The following NDUFA6 variants were observed in gnomAD, a reference collection of about 807,000 sequenced individuals.
NDUFA6 encodes NADH:ubiquinone oxidoreductase subunit A6.
NDUFA6 carries 10 observed loss-of-function variants against 12.5 expected under a neutral mutation model. That is an observed-to-expected ratio of 0.80 (90% CI 0.49 to 1.35). The LOEUF (loss-of-function observed/expected upper bound fraction) is 1.35. Among genes scored for constraint, NDUFA6 ranks in the 40% most tolerant of loss-of-function variants. NDUFA6 has a pLI of 0.00. For missense variants in NDUFA6, 177 were observed against 173.5 expected (o/e 1.02, Z -0.11); for synonymous variants, 66 against 63.0 (o/e 1.05, Z -0.23).
intron 1 of NDUFA6, among the ~76,000 whole-genome samples, chr22:42,088,721 CAAAAAAAAAAAAAA>C (rs59094967): frequency 1.4e-5 from 1 of 71,932 alleles, no homozygotes; most frequent in Non-Finnish European, 3.0e-5. Context: ...GACTCTGTCT[CAAAAAAAAAAAAAA>C]AAAAAAAAGT....
At chr22:42,087,691 A>G (rs936666018) in intron 1 of NDUFA6, among the ~76,000 whole-genome samples, 2 of 151,726 alleles carry the variant, frequency 1.3e-5, no homozygotes, top group East Asian at 3.9e-4. Context: ...AATTCCAGCT[A>G]CTCGGGAGGC....
rs771575339 is a variant in NDUFA6 at position 42,090,701 on chromosome 22, G to C, written c.44C>G (p.Thr15Ser). 1.2e-6 allele frequency: 2 copies of C among 1,614,174 alleles called. No individual in the cohort carries two copies. Among genetic ancestry groups the C allele is most frequent in the Non-Finnish European group, 1.7e-6 (2 of 1,180,044 alleles). The change falls in exon 1 of 3, where the codon ACC (threonine) becomes AGC (serine). Residue 15 changes from threonine to serine, a missense_variant. Physicochemically the swap from Thr to Ser is moderately conservative, Grantham distance 58. Around this residue, in one of 3 missense-constraint regions of NDUFA6, gnomAD observed 111 missense variants for 87.2 expected, o/e 1.27. Coordinates refer to ENST00000498737, the MANE Select transcript of NDUFA6 (RefSeq NM_002490.6). ...CCGACTGAAAATGGGCTTCACGAAG[G>C]TGCTGGCGGTAGAAGTAGCTTGGCG... ...GVRQATSTAS[T>S]FVKPIFSRDM...
chr22:42,087,266 C>A, intron 1 of NDUFA6, 91 bp from the exon 2 acceptor site: 1 of 1,003,066 alleles, frequency 1.0e-6, no homozygotes, highest in Admixed American at 1.7e-5. Flanking sequence ...ACAGGTCGCC[C>A]ATTCATTTCT....
At chr22:42,087,241 A>G in intron 1 of NDUFA6, 66 bp from the exon 2 acceptor site, 1 of 1,176,220 alleles carries the variant, frequency 8.5e-7, no homozygotes. Flanking sequence ...GTCAAATGAT[A>G]CTCATTGAAC....
rs1423705537 is a variant in NDUFA6 at position 42,090,772 on chromosome 22, C to T, written c.-28G>A. ...TGCCAAAGCATCCACTCCACAACCC[C>T]ACCCCTTTGCAAGCAGCGCGTGCGG... On this transcript the variant is annotated 5_prime_UTR_variant, in exon 1 of 3. Coordinates refer to ENST00000498737, the MANE Select transcript of NDUFA6 (RefSeq NM_002490.6). 5.6e-6 allele frequency: 9 copies of T among 1,614,118 alleles called. No homozygotes were observed. The highest frequency in any genetic ancestry group is 2.2e-5 in the South Asian group (2 of 91,092).
chr22:42,090,556 C>T (rs1381298193), intron 1 of NDUFA6, 50 bp downstream of exon 1: 7 of 1,604,966 alleles, frequency 4.4e-6, no homozygotes, highest in Non-Finnish European at 6.0e-6. Context: ...GGGCCGGCTA[C>T]GACCTTGAGC....
intron 1 of NDUFA6, 37 bp from the exon 2 acceptor site, chr22:42,087,212 T>C (rs770206952): frequency 2.8e-6 from 4 of 1,439,574 alleles, no homozygotes; most frequent in Non-Finnish European, 2.0e-6. Context: ...AGAAATTGTA[T>C]GGTTAAATAA....
intron 1 of NDUFA6, chr22:42,089,544 C>T (rs1928494061): frequency 6.6e-6 from 1 of 152,036 alleles, no homozygotes; most frequent in South Asian, 2.1e-4. Flanking sequence ...AGACACAGTT[C>T]TCATATGTCA....
In NDUFA6 at chr22:42,086,292, G is replaced by T; in HGVS notation, c.278C>A (p.Thr93Lys). The change falls in exon 3 of 3, where the codon ACA (threonine) becomes AAA (lysine). Residue 93 changes from threonine (T) to lysine (K), a missense_variant. By Grantham distance (78) the Thr-to-Lys change is moderately conservative. This residue lies in a region of NDUFA6 where 62 missense variants were observed against 69.4 expected (regional missense o/e 0.89). Transcript: ENST00000498737. Reference protein sequence around the residue: ...VIKGKIELEETIKVWKQRTHV... With the variant: ...VIKGKIELEEKIKVWKQRTHV... ...TGTCCGCTGCTTCCATACTTTAATT[G>T]TTTCTTCCAGTTCGATCTTTCCCTG... is the stretch of plus-strand genomic sequence containing the variant. The T allele has an allele frequency of 6.2e-7, 1 of 1,614,174 alleles. No individual in the cohort carries two copies. Among genetic ancestry groups the T allele is most frequent in the Non-Finnish European group, 8.5e-7 (1 of 1,180,026 alleles).
intron 1 of NDUFA6, among the ~76,000 whole-genome samples, chr22:42,087,807 AAAT>A (rs898553187): frequency 7.2e-6 from 1 of 138,160 alleles, no homozygotes; most frequent in African/African-American, 2.7e-5. Flanking sequence ...GTCTCAAAAA[AAAT>A]AATAATTATT....
intron 1 of NDUFA6, among the ~76,000 whole-genome samples, chr22:42,089,360 A>G (rs1182474890): frequency 6.6e-6 from 1 of 150,534 alleles, no homozygotes; most frequent in East Asian, 1.9e-4. Context: ...ACACACTGCT[A>G]CAGTCACTCC....
At chr22:42,088,799 T>G (rs1164719823) in intron 1 of NDUFA6, among the ~76,000 whole-genome samples, 2 of 152,168 alleles carry the variant, frequency 1.3e-5, no homozygotes, top group Non-Finnish European at 2.9e-5. Flanking sequence ...CTTTTGTTTT[T>G]TATTAATGCT....
At position 42,086,204 on chromosome 22, in the gene NDUFA6, G is replaced by C; in HGVS notation, c.366C>G (p.Phe122Leu). Residue 122 changes from phenylalanine (F) to leucine (L), a missense_variant, in exon 3 of 3, where the codon TTC becomes TTG. Transcript: ENST00000498737. ...GACTTCATGGATCGTGGCCAACATA[G>C]AACTTGGATAGGAAATCCTTTGGCC... ...APRPKDFLSK[F>L]YVGHDP The C allele has an allele frequency of 6.2e-7, 1 of 1,614,210 alleles. No homozygotes were observed. Among genetic ancestry groups the C allele is most frequent in the Non-Finnish European group, 8.5e-7 (1 of 1,180,046 alleles).
chr22:42,090,676 C>G lies in NDUFA6; in HGVS notation c.69G>C (p.Arg23=), dbSNP rs761251475. ...ASTFVKPIFS[R]DMNEAKRRVR... is the part of the protein sequence containing the mutation. ...CCCTCCGCTTGGCCTCGTTCATGTC[C>G]CGACTGAAAATGGGCTTCACGAAGG... is the stretch of plus-strand genomic sequence containing the variant. Residue 23 remains arginine (R), a synonymous_variant, in exon 1 of 3, where the codon CGG becomes CGC. Coordinates refer to ENST00000498737, the MANE Select transcript of NDUFA6 (RefSeq NM_002490.6). The G allele has an allele frequency of 6.2e-6, 10 of 1,614,068 alleles. No individual in the cohort carries two copies. Among genetic ancestry groups the G allele is most frequent in the Non-Finnish European group, 8.5e-6 (10 of 1,180,038 alleles).
At chr22:42,088,675 C>A (rs61479306) in intron 1 of NDUFA6, among the ~76,000 whole-genome samples, 3,276 of 145,878 alleles carry the variant, frequency 0.022, 136 homozygotes, top group African/African-American at 0.08. Flanking sequence ...GAGCCAAGAT[C>A]GCGCCATTGC....
In NDUFA6 at chr22:42,086,185, A is replaced by G. The variant is rs980031648; in HGVS notation, c.385T>C (p.Ter129ArgextTer13). The G allele has an allele frequency of 1.9e-6, 3 of 1,614,232 alleles. No individual in the cohort carries two copies. The highest frequency in any genetic ancestry group is 2.2e-5 in the South Asian group (2 of 91,090). ...GTGCATCTTTCCACTGAATGACTTC[A>G]TGGATCGTGGCCAACATAGAACTTG... ...LSKFYVGHDP[*>R] Residue 129 changes from the stop codon to arginine (R), a stop_lost, in exon 3 of 3, where the codon TGA becomes CGA. Transcript: ENST00000498737.
At chr22:42,087,222 A>C (rs1928312288) in intron 1 of NDUFA6, 47 bp from the exon 2 acceptor site, 1 of 1,364,778 alleles carries the variant, frequency 7.3e-7, no homozygotes, top group East Asian at 2.3e-5. Flanking sequence ...TGGTTAAATA[A>C]AACCTAGAGT....
chr22:42,089,378 C>G (rs1000698414), intron 1 of NDUFA6, among the ~76,000 whole-genome samples: 1 of 148,280 alleles, frequency 6.7e-6, no homozygotes, highest in African/African-American at 2.6e-5. Flanking sequence ...TCCCCACACA[C>G]ATCTTTTATC....
intron 1 of NDUFA6, among the ~76,000 whole-genome samples, chr22:42,088,183 G>T (rs1928387845): frequency 6.7e-6 from 1 of 149,340 alleles, no homozygotes; most frequent in Admixed American, 6.7e-5. Flanking sequence ...CGAGGCGGGT[G>T]GATCATGAGG....
Sources: gnomAD v4.1 joint callset for allele counts (sites outside exome capture counted in the v4.1 genomes callset) on GRCh38, gnomAD v4.1.1 for gene constraint, gnomAD v4.1.1 regional missense constraint, MANE v1.5 for transcripts, NCBI Gene and HGNC (gene_info 2026-07-23, HGNC 2026-07-21) for gene names.